The following XKR4 variants were observed in gnomAD, a reference collection of about 807,000 sequenced individuals.
The protein encoded by XKR4 is XK related 4, also known as XK-related protein 4.
XKR4 carries 12 observed loss-of-function variants against 53.9 expected under a neutral mutation model. The observed-to-expected ratio is 0.22, with a 90% CI of 0.14 to 0.36. XKR4 has a LOEUF of 0.36. Ranked by LOEUF, XKR4 falls within the 10% of genes least tolerant of loss-of-function variation. XKR4 has a pLI of 1.00. For missense variants in XKR4, 799 were observed against 859.5 expected, an observed-to-expected ratio of 0.93 and a Z score of 0.88; for synonymous variants, 354 against 362.4, an observed-to-expected ratio of 0.98 and a Z score of 0.26.
intron 1 of XKR4, among the ~76,000 whole-genome samples, chr8:55,209,559 T>C (rs1817698754): frequency 6.6e-6 from 1 of 152,200 alleles, no homozygotes; most frequent in South Asian, 2.1e-4. Context: ...TAACTGGTGT[T>C]GGCAGAGTTC....
intron 1 of XKR4, among the ~76,000 whole-genome samples, chr8:55,112,207 A>C (rs911517857): frequency 6.6e-6 from 1 of 152,220 alleles, no homozygotes; most frequent in Non-Finnish European, 1.5e-5. Context: ...AGGCTGTTTG[A>C]ATCAGTTCTA....
At chr8:55,252,951 A>G (rs912258602) in intron 1 of XKR4, among the ~76,000 whole-genome samples, 1 of 152,120 alleles carries the variant, frequency 6.6e-6, no homozygotes, top group Non-Finnish European at 1.5e-5. Context: ...GTCCTGCCTT[A>G]TGCTATATTC....
At chr8:55,240,120 G>C (rs942011061) in intron 1 of XKR4, among the ~76,000 whole-genome samples, 1 of 152,186 alleles carries the variant, frequency 6.6e-6, no homozygotes, top group African/African-American at 2.4e-5. Context: ...ATCTGGCACA[G>C]TGCCTGAAAC....
chr8:55,523,910 C>T lies in XKR4; in HGVS notation c.1636C>T (p.Leu546=), dbSNP rs575747947. ...GCCCCCAGACGTGGCCACAAGCACC[C>T]TACGGTCCATCTCCAACAACCGCAG... ...TLPPDVATST[L]RSISNNRSVV... Residue 546 remains leucine (L), a synonymous_variant, in exon 3 of 3, where the codon CTA becomes TTA. Transcript: ENST00000327381. The T allele has an allele frequency of 5.0e-6, 8 of 1,614,182 alleles. No homozygotes were observed. In the South Asian group the frequency reaches 7.7e-5, roughly 16 times the overall value.
chr8:55,269,956 G>A (rs999848417), intron 1 of XKR4, among the ~76,000 whole-genome samples: 2 of 152,230 alleles, frequency 1.3e-5, no homozygotes, highest in Non-Finnish European at 2.9e-5. Context: ...GGTTGATGAT[G>A]CAACTGTGCC....
intron 1 of XKR4, among the ~76,000 whole-genome samples, chr8:55,108,430 G>T (rs915208507): frequency 1.3e-5 from 2 of 152,060 alleles, no homozygotes; most frequent in African/African-American, 2.4e-5. Flanking sequence ...AGCTTCAGAG[G>T]CTATGTCATT....
intron 2 of XKR4, among the ~76,000 whole-genome samples, chr8:55,442,317 AAGAT>A (rs1563350900): frequency 6.6e-6 from 1 of 152,222 alleles, no homozygotes; most frequent in Admixed American, 6.5e-5. Context: ...TAAGACCAAA[AAGAT>A]AGACCCTAAC....
intron 2 of XKR4, among the ~76,000 whole-genome samples, chr8:55,405,936 C>A (rs1804673161): frequency 6.6e-6 from 1 of 152,188 alleles, no homozygotes; most frequent in Non-Finnish European, 1.5e-5. Flanking sequence ...AAGGGACCAA[C>A]ATCTGGACCC....
intron 1 of XKR4, among the ~76,000 whole-genome samples, chr8:55,307,432 A>G (rs1257788616): frequency 1.3e-5 from 2 of 152,172 alleles, no homozygotes; most frequent in Non-Finnish European, 2.9e-5. Context: ...AGTGAGGATC[A>G]CTTGAGCCCA....
chr8:55,102,266 C>T lies in XKR4; in HGVS notation c.-223C>T. 2.4e-6 allele frequency: 1 copy of T among 413,146 alleles called. No individual in the cohort carries two copies. The highest frequency in any genetic ancestry group is 2.2e-5 in the African/African-American group (1 of 45,430). 25.6% of individuals were successfully genotyped at this position (413,146 alleles called of 1,614,324 possible). ...GCTTGGCTCCGCGCAGGCAGCCAGG[C>T]GGCGCTCCTGCCGGCCCCAGGCGCG... On this transcript the variant is annotated 5_prime_UTR_variant, in exon 1 of 3. Transcript: ENST00000327381. The surrounding 1 kb of genome is among the most constrained non-coding windows in gnomAD (Gnocchi z 5.1).
chr8:55,324,431 C>T (rs184471452), intron 1 of XKR4, among the ~76,000 whole-genome samples: 2 of 152,286 alleles, frequency 1.3e-5, no homozygotes, highest in Non-Finnish European at 2.9e-5. Context: ...CCACATTTTC[C>T]TGGTTCTTGA....
intron 2 of XKR4, among the ~76,000 whole-genome samples, chr8:55,372,227 G>T (rs762564163): frequency 2.0e-5 from 3 of 152,210 alleles, no homozygotes; most frequent in African/African-American, 2.4e-5. Flanking sequence ...CTGGCTGCTT[G>T]TTGGCCTTTC....
rs1807021650 is a variant in XKR4, at chr8:55,535,651, T to A, written c.*11424T>A. On this transcript the variant is annotated 3_prime_UTR_variant, in exon 3 of 3. Transcript: ENST00000327381. ...TTGGGTCAGAGGGTATCTATTAATG[T>A]AGAGGCCCAAGTATGGTGATGAAGA... The A allele has an allele frequency of 6.6e-6, 1 of 152,210 alleles. No individual in the cohort carries two copies. The highest frequency in any genetic ancestry group is 1.5e-5 in the Non-Finnish European group (1 of 68,072). The allele number at this position is 152,210 out of a possible 1,614,324, so 9.4% of individuals were successfully genotyped here. A position where few individuals can be genotyped will look rare whatever the true frequency, so the allele number is the denominator to read the frequency against.
chr8:55,276,460 C>G (rs983762147), intron 1 of XKR4, among the ~76,000 whole-genome samples: 6 of 152,226 alleles, frequency 3.9e-5, no homozygotes, highest in Non-Finnish European at 8.8e-5. Context: ...GGAATGAGAG[C>G]TTTGTGAAGA....
chr8:55,412,552 T>C (rs1191367244), intron 2 of XKR4, among the ~76,000 whole-genome samples: 1 of 152,222 alleles, frequency 6.6e-6, no homozygotes, highest in Non-Finnish European at 1.5e-5. Flanking sequence ...ACACTGCCCC[T>C]TCCTTCAGTC....
At chr8:55,363,728 C>T (rs1483597969) in intron 2 of XKR4, among the ~76,000 whole-genome samples, 1 of 152,202 alleles carries the variant, frequency 6.6e-6, no homozygotes, top group Non-Finnish European at 1.5e-5. Flanking sequence ...TTCTAATGTG[C>T]TTGCCCCTAC....
At chr8:55,451,735 G>A (rs1296752051) in intron 2 of XKR4, 6 of 1,226,156 alleles carry the variant, frequency 4.9e-6, no homozygotes, top group African/African-American at 1.5e-5. Context: ...AATGCGGAAG[G>A]ATTCAGACTT....
intron 2 of XKR4, among the ~76,000 whole-genome samples, chr8:55,476,349 C>G (rs541745722): frequency 6.6e-6 from 1 of 152,038 alleles, no homozygotes; most frequent in African/African-American, 2.4e-5. Flanking sequence ...AATGCTCCCC[C>G]CAGAGGTCAA....
At chr8:55,520,924 A>C (rs2129405734) in intron 2 of XKR4, 1 of 152,352 alleles carries the variant, frequency 6.6e-6, no homozygotes, top group Non-Finnish European at 1.5e-5. Flanking sequence ...GTGTACTTAA[A>C]GTTTTCTTAC....
Sources: gnomAD v4.1 joint callset for allele counts (sites outside exome capture counted in the v4.1 genomes callset) on GRCh38, gnomAD v4.1.1 for gene constraint, Gnocchi (gnomAD v3.1) non-coding constraint, MANE v1.5 for transcripts, NCBI Gene and HGNC (gene_info 2026-07-23, HGNC 2026-07-21) for gene names.